USP34: variants seen among roughly 807,000 people sequenced by gnomAD.
USP34 encodes the protein ubiquitin specific peptidase 34.
Under a neutral mutation model 460.3 loss-of-function variants are expected in USP34, and 70 were observed. That is an observed-to-expected ratio of 0.15 (90% CI 0.13 to 0.19). The LOEUF is 0.19. Among genes scored for constraint, USP34 ranks in the 10% least tolerant of loss-of-function variants. The pLI, the probability that USP34 is intolerant of heterozygous loss-of-function variation, is 1.00. For missense variants in USP34, 3,985 were observed against 4,236.2 expected (o/e 0.94, Z 1.65); for synonymous variants, 1,647 against 1,405.3 (o/e 1.17, Z -3.85).
chr2:61,267,562 C>G (rs1689088714), intron 41 of USP34, among the ~76,000 whole-genome samples: 1 of 151,618 alleles, frequency 6.6e-6, no homozygotes, highest in African/African-American at 2.4e-5. Flanking sequence ...CCTGCCTCAG[C>G]CTCCCAAGTA....
chr2:61,458,561 G>GGA (rs1695504390), intron 1 of USP34, among the ~76,000 whole-genome samples: 2 of 96,562 alleles, frequency 2.1e-5, no homozygotes, highest in African/African-American at 4.1e-5. Context: ...AACTGTCTCA[G>GGA]AAAAAAAAAA....
At chr2:61,229,497 CCACA>C in intron 59 of USP34, 47 bp downstream of exon 59, 2 of 874,432 alleles carry the variant, frequency 2.3e-6, no homozygotes, top group Non-Finnish European at 3.3e-6. Context: ...AACAAAAACA[CCACA>C]CACACACAAC....
chr2:61,343,736 T>C (rs1691675681), intron 16 of USP34, 79 bp downstream of exon 16: 5 of 1,440,762 alleles, frequency 3.5e-6, no homozygotes, highest in South Asian at 2.4e-5. Flanking sequence ...ACCTTAACTA[T>C]TGAGTCCTTT....
chr2:61,245,134 TCTG>T, intron 51 of USP34, 73 bp downstream of exon 51: 2 of 1,055,928 alleles, frequency 1.9e-6, no homozygotes. Context: ...GTTAAGCGAC[TCTG>T]CTATTGGATT....
chr2:61,360,748 C>G (rs1692251123), intron 10 of USP34, among the ~76,000 whole-genome samples: 1 of 152,176 alleles, frequency 6.6e-6, no homozygotes, highest in Non-Finnish European at 1.5e-5. Context: ...CCTCGACGTC[C>G]TGGGCTCAAG....
At chr2:61,422,126 A>G (rs1332941940) in intron 1 of USP34, among the ~76,000 whole-genome samples, 1 of 152,242 alleles carries the variant, frequency 6.6e-6, no homozygotes, top group Non-Finnish European at 1.5e-5. Context: ...GACCTGGGCA[A>G]CAAAGCTTAG....
At chr2:61,241,338 A>G (rs1480602762) in intron 53 of USP34, among the ~76,000 whole-genome samples, 1 of 152,116 alleles carries the variant, frequency 6.6e-6, no homozygotes, top group Admixed American at 6.5e-5. Flanking sequence ...CACCACACCC[A>G]GTCGCCTACT....
chr2:61,347,874 CGTGGTGGTGGTGATG>C lies in USP34; in HGVS notation c.2266_2280del (p.His756_His760del). 6.2e-7 allele frequency: 1 copy of C among 1,611,496 alleles called. No individual in the cohort carries two copies. The highest frequency in any genetic ancestry group is 8.5e-7 in the Non-Finnish European group (1 of 1,178,434). ...TTTATTTTGAAGTAGGCTTACCCAT[CGTGGTGGTGGTGATG>C]GTGGTGGTGGTGGTGGTGATGCTGT... is the stretch of plus-strand genomic sequence containing the variant. On this transcript the variant is annotated inframe_deletion, in exon 15 of 80. Transcript: ENST00000398571.
chr2:61,346,461 G>A (rs1316106862), intron 15 of USP34: 1 of 141,148 alleles, frequency 7.1e-6, no homozygotes, highest in African/African-American at 2.6e-5. Flanking sequence ...AAGAGTTTGA[G>A]ACTACGGTGA....
At chr2:61,379,463 T>G (rs1692907906) in intron 7 of USP34, among the ~76,000 whole-genome samples, 1 of 152,130 alleles carries the variant, frequency 6.6e-6, no homozygotes. Flanking sequence ...GAGGTTGCAG[T>G]AAGCCGAGAT....
chr2:61,226,320 A>T (rs1390494238), intron 62 of USP34, among the ~76,000 whole-genome samples: 1 of 152,224 alleles, frequency 6.6e-6, no homozygotes, highest in Non-Finnish European at 1.5e-5. Flanking sequence ...GCATATGCAC[A>T]CGTCTGTGAA....
At chr2:61,387,187 G>A (rs1468090273) in intron 5 of USP34, among the ~76,000 whole-genome samples, 1 of 151,980 alleles carries the variant, frequency 6.6e-6, no homozygotes. Context: ...CAGGCCAGGT[G>A]CAGTGGCTCA....
intron 1 of USP34, among the ~76,000 whole-genome samples, chr2:61,467,779 C>T (rs2104124517): frequency 6.6e-6 from 1 of 151,988 alleles, no homozygotes; most frequent in East Asian, 1.9e-4. Flanking sequence ...TACACCACCA[C>T]ACCCGGCTAA....
chr2:61,188,725 C>G lies in USP34; in HGVS notation c.10034-16G>C. ...CCTTCATCATCTGTGAAAACACATG[C>G]CAAAAGGGAAACTTCTCTGAAAGTC... is the stretch of plus-strand genomic sequence containing the variant. On this transcript the variant is annotated splice_polypyrimidine_tract_variant and intron_variant, in intron 79 of 79. Coordinates refer to ENST00000398571, the MANE Select transcript of USP34 (RefSeq NM_014709.4). 6.2e-7 allele frequency: 1 copy of G among 1,603,964 alleles called. No individual in the cohort carries two copies. The highest frequency in any genetic ancestry group is 8.5e-7 in the Non-Finnish European group (1 of 1,175,690).
At chr2:61,270,727 C>T (rs547317813) in intron 41 of USP34, among the ~76,000 whole-genome samples, 3 of 152,094 alleles carry the variant, frequency 2.0e-5, no homozygotes, top group South Asian at 2.1e-4. Context: ...TGAGCCACTG[C>T]GCCTGGCCCA....
chr2:61,255,695 T>C (rs1421724373), intron 48 of USP34, among the ~76,000 whole-genome samples: 2 of 152,218 alleles, frequency 1.3e-5, no homozygotes. Context: ...AATTCATAAG[T>C]GGTGTGGTGT....
intron 21 of USP34, among the ~76,000 whole-genome samples, chr2:61,321,393 C>T (rs1690917503): frequency 1.3e-5 from 2 of 152,150 alleles, no homozygotes; most frequent in Non-Finnish European, 2.9e-5. Flanking sequence ...ATTGCTTGAA[C>T]CTGGGAGGTG....
At chr2:61,422,735 C>T (rs1416184512) in intron 1 of USP34, among the ~76,000 whole-genome samples, 1 of 152,166 alleles carries the variant, frequency 6.6e-6, no homozygotes, top group Non-Finnish European at 1.5e-5. Context: ...TTAGAACTAA[C>T]AGCCGGTAAT....
intron 41 of USP34, among the ~76,000 whole-genome samples, chr2:61,269,569 T>A (rs962437972): frequency 6.6e-6 from 1 of 152,134 alleles, no homozygotes; most frequent in South Asian, 2.1e-4. Flanking sequence ...TGAATGTATA[T>A]TGTCTACAAA....
Sources: gnomAD v4.1 joint callset for allele counts (sites outside exome capture counted in the v4.1 genomes callset) on GRCh38, gnomAD v4.1.1 for gene constraint, MANE v1.5 for transcripts, NCBI Gene and HGNC (gene_info 2026-07-23, HGNC 2026-07-21) for gene names.